RPS6KA2: variants seen among roughly 807,000 people sequenced by gnomAD.
RPS6KA2 encodes the protein ribosomal protein S6 kinase alpha-2.
In RPS6KA2, 42 loss-of-function variants were observed where a neutral mutation model predicts 91.8. That is an observed-to-expected ratio of 0.46 (90% CI 0.36 to 0.59). RPS6KA2 has a LOEUF of 0.59. RPS6KA2 is among the 20% of genes least tolerant of loss of function. RPS6KA2 has a pLI of 0.00. For synonymous variants in RPS6KA2, 414 were observed against 393.6 expected, an observed-to-expected ratio of 1.05 and a Z score of -0.61; for missense variants, 798 against 978.5, an observed-to-expected ratio of 0.82 and a Z score of 2.46.
At position 166,744,831 on chromosome 6, in the gene RPS6KA2, C is replaced by G. The variant is rs544022672; in HGVS notation, c.123+113369G>C. Among the ~76,000 whole-genome samples the G allele has an allele frequency of 1.4e-4, 21 of 152,296 alleles. 1 individual carries two copies. The highest frequency in any genetic ancestry group is 5.1e-4 in the African/African-American group (21 of 41,578). ...TTGAAGACACTAGAGGGAGCACCCT[C>G]AGTACTGGGCCCTCCCTTCCTAAAG... On this transcript the variant is annotated intron_variant, in intron 2 of 21. Transcript: ENST00000503859.
At chr6:166,469,102 C>T (rs1441956056) in intron 11 of RPS6KA2, among the ~76,000 whole-genome samples, 8 of 152,154 alleles carry the variant, frequency 5.3e-5, no homozygotes, top group South Asian at 2.1e-4. Flanking sequence ...GAGTTTTAGC[C>T]GCGAGAACTC....
In RPS6KA2 at chr6:166,603,772, G is replaced by A. The variant is rs542434328; in HGVS notation, c.99+23149C>T. Among the ~76,000 whole-genome samples the A allele has an allele frequency of 6.6e-6, 1 of 152,334 alleles. No homozygotes were observed. The highest frequency in any genetic ancestry group is 2.1e-4 in the South Asian group (1 of 4,828). ...AGAAGGGAGGCCAGGGAATGGCTGT[G>A]GCCCAGGTGTATCAAATAAATGCCC... On this transcript the variant is annotated intron_variant, in intron 1 of 20. Coordinates refer to ENST00000265678, the MANE Select transcript of RPS6KA2 (RefSeq NM_021135.6). This position sits in a 1 kb window ranked among gnomAD's most constrained non-coding sequence, Gnocchi z 4.3.
At chr6:166,685,263 A>G (rs1001042762) in intron 2 of RPS6KA2, among the ~76,000 whole-genome samples, 2 of 149,328 alleles carry the variant, frequency 1.3e-5, no homozygotes, top group African/African-American at 5.0e-5. Flanking sequence ...AGGAAAGCTC[A>G]GGCAGGACCC....
intron 14 of RPS6KA2, among the ~76,000 whole-genome samples, chr6:166,442,333 G>C (rs979154640): frequency 5.9e-5 from 9 of 152,348 alleles, no homozygotes; most frequent in African/African-American, 1.7e-4. Flanking sequence ...GAGTGAGTCT[G>C]CTGGACAGGG....
chr6:166,586,954 C>A (rs1357483775), intron 1 of RPS6KA2, among the ~76,000 whole-genome samples: 3 of 152,308 alleles, frequency 2.0e-5, no homozygotes, highest in Admixed American at 1.3e-4. Context: ...ATGTGACTAG[C>A]CCTGGCCAAT....
intron 1 of RPS6KA2, among the ~76,000 whole-genome samples, chr6:166,594,825 A>G (rs1430935078): frequency 6.6e-6 from 1 of 152,226 alleles, no homozygotes; most frequent in South Asian, 2.1e-4. Flanking sequence ...TTTCTGCTAT[A>G]AGGTTCTCAG....
rs1790591183 is a variant in RPS6KA2, at chr6:166,733,444, C to T, written c.123+124756G>A. 1.3e-5 allele frequency among the ~76,000 whole-genome samples: 2 copies of T among 152,184 alleles called. No homozygotes were observed. The highest frequency in any genetic ancestry group is 4.1e-4 in the South Asian group (2 of 4,830). ...GAGGCCAACGAGGGCAGGATCTACT[C>T]CCAAAAAGACATAGGGACCCTTACA... is the stretch of plus-strand genomic sequence containing the variant. On this transcript the variant is annotated intron_variant, in intron 2 of 21. Transcript: ENST00000503859. This position sits in a 1 kb window ranked among gnomAD's most constrained non-coding sequence, Gnocchi z 4.1.
intron 2 of RPS6KA2, among the ~76,000 whole-genome samples, chr6:166,831,267 G>A (rs375418596): frequency 6.6e-6 from 1 of 152,222 alleles, no homozygotes; most frequent in African/African-American, 2.4e-5. Flanking sequence ...GCTGCTCCAC[G>A]CATCCAGGAC....
intron 2 of RPS6KA2, among the ~76,000 whole-genome samples, chr6:166,651,982 C>T (rs1457001735): frequency 6.6e-6 from 1 of 152,270 alleles, no homozygotes; most frequent in Non-Finnish European, 1.5e-5. Flanking sequence ...GAGTTCTCGG[C>T]ACTGCCGTGC....
intron 10 of RPS6KA2, among the ~76,000 whole-genome samples, chr6:166,480,479 T>TTATATATATATATAATATATATATA (rs1781157887): frequency 1.4e-4 from 14 of 99,854 alleles, no homozygotes; most frequent in African/African-American, 5.2e-4. Context: ...GATTGTGATT[T>TTATATATATATATAATATATATATA]TATATATATA....
chr6:166,748,486 G>A (rs1487496720), intron 2 of RPS6KA2, among the ~76,000 whole-genome samples: 1 of 152,060 alleles, frequency 6.6e-6, no homozygotes, highest in Non-Finnish European at 1.5e-5. Flanking sequence ...GCTGGAGGAT[G>A]CTGGGCAGAG....
At chr6:166,785,884 TCC>T (rs1313731298) in intron 2 of RPS6KA2, among the ~76,000 whole-genome samples, 18 of 152,310 alleles carry the variant, frequency 1.2e-4, no homozygotes, top group African/African-American at 4.3e-4. Context: ...TTACCTTTCT[TCC>T]TTTTTGTTCT....
At chr6:166,834,794 T>G (rs1397323310) in intron 2 of RPS6KA2, among the ~76,000 whole-genome samples, 2 of 151,512 alleles carry the variant, frequency 1.3e-5, no homozygotes, top group Non-Finnish European at 2.9e-5. Context: ...ACAGTGTCTT[T>G]TCAAGGACAG....
intron 2 of RPS6KA2, among the ~76,000 whole-genome samples, chr6:166,857,069 A>T (rs1056702282): frequency 6.6e-6 from 1 of 152,182 alleles, no homozygotes; most frequent in African/African-American, 2.4e-5. Context: ...TCTTTATTTA[A>T]CCAGTGGGCT....
Position 166,666,904 on chromosome 6 carries a change from C to T in RPS6KA2, c.124-128120G>A, listed in dbSNP as rs1460497850. On this transcript the variant is annotated intron_variant, in intron 2 of 21. Coordinates refer to the RPS6KA2 transcript ENST00000503859. The surrounding 1 kb of genome is among the most constrained non-coding windows in gnomAD (Gnocchi z 4.0). ...TGGTGGATGGATGGGTAGCAGAGTG[C>T]GGTGTAGGCACACAATGGAAGGAAA... Among the ~76,000 whole-genome samples, 3 of 152,064 alleles carry T rather than the reference C, an allele frequency of 2.0e-5. No homozygotes were observed. In the East Asian group the frequency reaches 5.8e-4, roughly 29 times the overall value.
chr6:166,551,564 CTG>C (rs879287627), intron 1 of RPS6KA2, among the ~76,000 whole-genome samples: 1 of 152,328 alleles, frequency 6.6e-6, no homozygotes, highest in Non-Finnish European at 1.5e-5. Flanking sequence ...GTTTCCAAAA[CTG>C]TTGAAAAGAT....
chr6:166,613,820 A>AGGACACAGTCGGGCTTTCCACGGCCTTCC (rs1373790546), intron 1 of RPS6KA2, among the ~76,000 whole-genome samples: 1 of 151,856 alleles, frequency 6.6e-6, no homozygotes, highest in African/African-American at 2.4e-5. Context: ...CACGGCCTTC[A>AGGACACAGTCGGGCTTTCCACGGCCTTCC]GGACACAGTC....
At position 166,437,387 on chromosome 6, in the gene RPS6KA2, C is replaced by T. The variant is rs770879435; in HGVS notation, c.1333-4897G>A. On this transcript the variant is annotated intron_variant, in intron 14 of 20. Coordinates refer to ENST00000265678, the MANE Select transcript of RPS6KA2 (RefSeq NM_021135.6). The surrounding 1 kb of genome is among the most constrained non-coding windows in gnomAD (Gnocchi z 4.3). ...AAAACAGGGAGGCCTTCTCAGCAAG[C>T]GTGGTGATGAACAAGGCCTCCCCTC... is the stretch of plus-strand genomic sequence containing the variant. Among the ~76,000 whole-genome samples the T allele has an allele frequency of 4.6e-5, 7 of 152,174 alleles. No homozygotes were observed. Among genetic ancestry groups the T allele is most frequent in the East Asian group, 1.9e-4 (1 of 5,194 alleles).
intron 2 of RPS6KA2, among the ~76,000 whole-genome samples, chr6:166,812,406 C>A (rs1021893541): frequency 6.6e-6 from 1 of 152,208 alleles, no homozygotes; most frequent in Non-Finnish European, 1.5e-5. Context: ...AGCTCCCTCC[C>A]AGCCCTGCCC....
Sources: allele counts gnomAD v4.1 joint callset (sites outside exome capture counted in the v4.1 genomes callset), GRCh38; gene constraint gnomAD v4.1.1; non-coding constraint Gnocchi (gnomAD v3.1); transcripts MANE v1.5; gene names NCBI Gene and HGNC (gene_info 2026-07-23, HGNC 2026-07-21).